The following TPCN1 variants were observed in gnomAD, a reference collection of about 807,000 sequenced individuals.
TPCN1 encodes the protein two pore segment channel 1, also known as two pore channel protein 1.
TPCN1 carries 52 observed loss-of-function variants against 108.8 expected under a neutral mutation model. That is an observed-to-expected ratio of 0.48 (90% CI 0.38 to 0.60). The LOEUF is 0.60. Ranked by LOEUF, TPCN1 falls within the 20% of genes least tolerant of loss-of-function variation. The probability of loss-of-function intolerance (pLI) is 0.00; values close to 1 mark genes in which losing one functional copy is unlikely to be tolerated. For missense variants in TPCN1, 806 were observed against 1,072.8 expected (o/e 0.75, Z 3.47); for synonymous variants, 446 against 433.7 (o/e 1.03, Z -0.35).
At chr12:113,292,040 C>T (rs1233556990) in intron 25 of TPCN1, 82 bp downstream of exon 25, 2 of 1,213,832 alleles carry the variant, frequency 1.6e-6, no homozygotes, top group East Asian at 2.4e-5. Context: ...GCTGTCCAGC[C>T]AGCCATCAGG....
chr12:113,288,810 G>T lies in TPCN1; in HGVS notation c.1759G>T (p.Glu587Ter). ...FYYSFAIVGM[E>*]FFCGIVFPNC... is the part of the protein sequence containing the mutation. Reference sequence around the variant, plus strand: ...CTACTCCTTCGCCATCGTGGGCATGGAGTTCTTCTGCGGGATCGTCTTCCC... The same window carrying T: ...CTACTCCTTCGCCATCGTGGGCATGTAGTTCTTCTGCGGGATCGTCTTCCC... The change falls in exon 21 of 28, where the codon GAG becomes TAG. Residue 587 changes from glutamate (E) to a stop codon, truncating the protein, a stop_gained. Coordinates refer to ENST00000335509, the MANE Select transcript of TPCN1 (RefSeq NM_017901.6). LOFTEE classifies it high-confidence loss of function. This position sits in a 1 kb window ranked among gnomAD's most constrained non-coding sequence, Gnocchi z 4.8. The T allele has an allele frequency of 6.2e-7, 1 of 1,613,634 alleles. No homozygotes were observed.
At chr12:113,271,364 T>C (rs1361371019) in intron 7 of TPCN1, among the ~76,000 whole-genome samples, 1 of 152,176 alleles carries the variant, frequency 6.6e-6, no homozygotes. Flanking sequence ...ATGGAAGGCA[T>C]GTTTGTGACC....
At chr12:113,251,309 G>A (rs1369285578) in intron 2 of TPCN1, among the ~76,000 whole-genome samples, 2 of 152,170 alleles carry the variant, frequency 1.3e-5, no homozygotes, top group African/African-American at 4.8e-5. Flanking sequence ...CCAAATGGAG[G>A]CCAAGGGGAG....
intron 15 of TPCN1, 41 bp downstream of exon 15, chr12:113,280,236 G>A: frequency 6.4e-7 from 1 of 1,563,766 alleles, no homozygotes; most frequent in South Asian, 1.1e-5. Flanking sequence ...CTTTCCCCCT[G>A]AGTCCTTTGC....
At chr12:113,263,746 C>T (rs554785131) in intron 3 of TPCN1, among the ~76,000 whole-genome samples, 12 of 152,232 alleles carry the variant, frequency 7.9e-5, no homozygotes, top group Non-Finnish European at 1.0e-4. Flanking sequence ...GCAGTCCTGA[C>T]GCCTTTGAAA....
intron 25 of TPCN1, 123 bp downstream of exon 25, chr12:113,292,081 C>G: frequency 1.3e-6 from 1 of 772,606 alleles, no homozygotes; most frequent in Non-Finnish European, 2.3e-6. Context: ...GGCTGTCCAG[C>G]TTATCTATCT....
Position 113,279,389 on chromosome 12 carries a change from A to ATTT in TPCN1, c.1297+555_1297+556insTTT, listed in dbSNP as rs1325797695. On this transcript the variant is annotated intron_variant, in intron 14 of 27. Coordinates refer to ENST00000335509, the MANE Select transcript of TPCN1 (RefSeq NM_017901.6). ...TATATATATATATATATATATATATATATTTTTTTTTTTTTTTTTTTTTTT... is the reference window on the plus strand; with the variant it reads ...TATATATATATATATATATATATATATTTTATTTTTTTTTTTTTTTTTTTTTTT... Among the ~76,000 whole-genome samples the ATTT allele has an allele frequency of 7.1e-3, 108 of 15,310 alleles. 8 individuals carry two copies. Among genetic ancestry groups the ATTT allele is most frequent in the East Asian group, 0.023 (5 of 222 alleles). The allele number at this position is 15,310 out of a possible 152,430, so 10.0% of individuals were successfully genotyped here. A position where few individuals can be genotyped will look rare whatever the true frequency, so the allele number is the denominator to read the frequency against.
At position 113,280,196 on chromosome 12, in the gene TPCN1, G is replaced by A; in HGVS notation, c.1342+1G>A. 6.2e-7 allele frequency: 1 copy of A among 1,607,442 alleles called. No individual in the cohort carries two copies. Among genetic ancestry groups the A allele is most frequent in the Non-Finnish European group, 8.5e-7 (1 of 1,174,566 alleles). ...TCCAAGGCCTTCCAGTATTTCATGT[G>A]TAAGTGTGAAATATCTCCACTCTAG... On this transcript the variant is annotated splice_donor_variant, in intron 15 of 27. Transcript: ENST00000335509. LOFTEE classifies it high-confidence loss of function.
At chr12:113,225,005 C>T (rs1593060876) in intron 1 of TPCN1, among the ~76,000 whole-genome samples, 1 of 152,252 alleles carries the variant, frequency 6.6e-6, no homozygotes, top group East Asian at 1.9e-4. Context: ...CCCGTCTCTG[C>T]CTCCCAAAGT....
At chr12:113,265,823 G>A (rs949080565) in intron 3 of TPCN1, among the ~76,000 whole-genome samples, 10 of 152,094 alleles carry the variant, frequency 6.6e-5, no homozygotes, top group African/African-American at 1.7e-4. Flanking sequence ...AAGAGATGGT[G>A]TCTTGCTGTG....
intron 14 of TPCN1, among the ~76,000 whole-genome samples, chr12:113,279,120 A>C (rs1476559733): frequency 1.3e-5 from 2 of 151,892 alleles, no homozygotes; most frequent in African/African-American, 4.8e-5. Flanking sequence ...AAAGATGTTC[A>C]TTGAAGAAAC....
intron 2 of TPCN1, among the ~76,000 whole-genome samples, chr12:113,251,196 G>T (rs1954618308): frequency 6.6e-6 from 1 of 152,060 alleles, no homozygotes; most frequent in South Asian, 2.1e-4. Flanking sequence ...AGCTACTCTG[G>T]AGGCTTAGGT....
intron 1 of TPCN1, among the ~76,000 whole-genome samples, chr12:113,224,000 G>A (rs1178315240): frequency 6.6e-6 from 1 of 152,204 alleles, no homozygotes; most frequent in Non-Finnish European, 1.5e-5. Flanking sequence ...CATACATTTT[G>A]GAAGTATGTT....
intron 2 of TPCN1, among the ~76,000 whole-genome samples, chr12:113,258,718 C>T (rs1489698773): frequency 6.6e-6 from 1 of 152,050 alleles, no homozygotes; most frequent in Non-Finnish European, 1.5e-5. Flanking sequence ...GAGTTTAAGA[C>T]TGCAATGAGC....
chr12:113,264,209 T>A (rs1955156846), intron 3 of TPCN1, among the ~76,000 whole-genome samples: 1 of 152,216 alleles, frequency 6.6e-6, no homozygotes, highest in Admixed American at 6.5e-5. Flanking sequence ...ACTTACCTTC[T>A]GTTGACTGCC....
intron 7 of TPCN1, among the ~76,000 whole-genome samples, chr12:113,270,879 T>G (rs559434403): frequency 6.6e-6 from 1 of 152,090 alleles, no homozygotes; most frequent in African/African-American, 2.4e-5. Context: ...ACCCTCAACT[T>G]GGGGATTAGG....
At chr12:113,244,623 T>A in intron 2 of TPCN1, 1 of 985,454 alleles carries the variant, frequency 1.0e-6, no homozygotes, top group Non-Finnish European at 1.2e-6. Context: ...TGGTTTATTT[T>A]CCTCTCCTCT....
chr12:113,267,403 CTTT>C (rs542057561), intron 4 of TPCN1, among the ~76,000 whole-genome samples: 1 of 145,208 alleles, frequency 6.9e-6, no homozygotes. Flanking sequence ...GTTTTTCTTA[CTTT>C]TTTTTTTTTT....
rs1330328657 is a variant in TPCN1 at position 113,244,425 on chromosome 12, C to T, written c.113-15943C>T. 9 of 985,308 alleles carry T rather than the reference C, an allele frequency of 9.1e-6. No homozygotes were observed. In the East Asian group the frequency reaches 3.4e-4, roughly 37 times the overall value. The allele number at this position is 985,308 out of a possible 1,614,324, so 61.0% of individuals were successfully genotyped here. On this transcript the variant is annotated intron_variant, in intron 2 of 27. Coordinates refer to ENST00000335509, the MANE Select transcript of TPCN1 (RefSeq NM_017901.6). ...CCTTTACTAACGTGTGTCAATAATG[C>T]GGGTCCACCTTCCATACCATCTTGC...
Sources: gnomAD v4.1 joint callset for allele counts (sites outside exome capture counted in the v4.1 genomes callset) on GRCh38, gnomAD v4.1.1 for gene constraint, Gnocchi (gnomAD v3.1) non-coding constraint, MANE v1.5 for transcripts, NCBI Gene and HGNC (gene_info 2026-07-23, HGNC 2026-07-21) for gene names.